Variants in SEC11C observed in about 807,000 individuals in gnomAD.
SEC11C encodes SEC11 homolog C, signal peptidase complex subunit, also known as signal peptidase complex catalytic subunit SEC11C.
A neutral mutation model predicts 21.9 loss-of-function variants in SEC11C; 10 were observed. The ratio of observed to expected loss-of-function variants is 0.46; its 90% CI spans 0.28 to 0.77. The LOEUF (loss-of-function observed/expected upper bound fraction) is 0.77, where lower values mean the gene tolerates loss of function less well. Ranked by LOEUF, SEC11C falls within the 30% of genes least tolerant of loss-of-function variation. The pLI is 0.12. For missense variants in SEC11C, 145 were observed against 244.5 expected (o/e 0.59, Z 2.71); for synonymous variants, 83 against 85.6 (o/e 0.97, Z 0.17).
chr18:59,152,102 C>G (rs745863432), intron 2 of SEC11C, among the ~76,000 whole-genome samples: 3 of 152,090 alleles, frequency 2.0e-5, no homozygotes, highest in Non-Finnish European at 4.4e-5. Context: ...CCATGTGTTC[C>G]TCATTTCTTA....
intron 3 of SEC11C, chr18:59,152,987 G>A (rs1212584983): frequency 1.6e-5 from 3 of 185,312 alleles, no homozygotes; most frequent in Non-Finnish European, 2.2e-5. Flanking sequence ...ATTTGAAGGA[G>A]CTCAAAGAAA....
intron 2 of SEC11C, among the ~76,000 whole-genome samples, chr18:59,151,766 G>A (rs2069357627): frequency 6.6e-6 from 1 of 152,128 alleles, no homozygotes; most frequent in Non-Finnish European, 1.5e-5. Context: ...TGGTTGCACA[G>A]CCCCCGTCAA....
In SEC11C at chr18:59,149,551, T is replaced by A. The variant is rs745526076; in HGVS notation, c.126T>A (p.Ser42=). Residue 42 remains serine, a synonymous_variant, in exon 2 of 6, where the codon TCT becomes TCA. Transcript: ENST00000587834. ...YQVLNFAMIV[S]SALMIWKGLI... is the part of the protein sequence containing the mutation. ...TTTTAAACTTCGCCATGATCGTGTC[T>A]TCTGCACTCATGATATGGAAAGGCT... 1.5e-5 allele frequency: 24 copies of A among 1,613,014 alleles called. No homozygotes were observed. The highest frequency in any genetic ancestry group is 2.0e-5 in the Non-Finnish European group (24 of 1,179,156).
chr18:59,149,578 G>T lies in SEC11C; in HGVS notation c.153G>T (p.Leu51Phe). 6.2e-7 allele frequency: 1 copy of T among 1,613,172 alleles called. No individual in the cohort carries two copies. The highest frequency in any genetic ancestry group is 1.1e-5 in the South Asian group (1 of 91,024). Residue 51 changes from leucine to phenylalanine, a missense_variant, in exon 2 of 6, where the codon TTG (leucine) becomes TTT (phenylalanine). Coordinates refer to ENST00000587834, the MANE Select transcript of SEC11C (RefSeq NM_033280.4). The stretch of plus-strand genomic sequence containing the variant: ...CTGCACTCATGATATGGAAAGGCTT[G>T]ATCGTGCTCACAGGCAGTGAGAGCC... ...VSSALMIWKG[L>F]IVLTGSESPI... is the part of the protein sequence containing the mutation.
intron 4 of SEC11C, chr18:59,156,371 T>G (rs540790805): frequency 6.6e-6 from 1 of 152,316 alleles, no homozygotes; most frequent in South Asian, 2.1e-4. Context: ...TACTTAGAAT[T>G]TGATTATTTT....
At chr18:59,143,825 G>A (rs759763832) in intron 1 of SEC11C, among the ~76,000 whole-genome samples, 8 of 150,344 alleles carry the variant, frequency 5.3e-5, no homozygotes, top group Non-Finnish European at 1.0e-4. Flanking sequence ...TTTATGCATT[G>A]TTTTAAATAG....
intron 1 of SEC11C, chr18:59,147,267 C>T (rs928164388): frequency 1.3e-5 from 2 of 152,160 alleles, no homozygotes; most frequent in Non-Finnish European, 2.9e-5. Flanking sequence ...CACCACATTC[C>T]ATCTCAGTTA....
chr18:59,141,056 G>A (rs2069204385), intron 1 of SEC11C, among the ~76,000 whole-genome samples: 2 of 152,068 alleles, frequency 1.3e-5, no homozygotes. Flanking sequence ...TATTTTGATG[G>A]CATCCAGTTT....
In SEC11C at chr18:59,154,300, T is replaced by A. The variant is rs113735961; in HGVS notation, c.348-1388T>A. On this transcript the variant is annotated intron_variant, in intron 3 of 5. Coordinates refer to ENST00000587834, the MANE Select transcript of SEC11C (RefSeq NM_033280.4). ...AATTATGAGAGACTGTCAGGATTTT[T>A]ATCCCGATTTCCTTTATAACCGTGG... Among the ~76,000 whole-genome samples the A allele has an allele frequency of 1.0e-3, 158 of 152,380 alleles. 1 individual carries two copies. Among genetic ancestry groups the A allele is most frequent in the African/African-American group, 3.7e-3 (152 of 41,582 alleles).
chr18:59,140,170 C>T lies in SEC11C; in HGVS notation c.87+135C>T, dbSNP rs2069193075. On this transcript the variant is annotated intron_variant, in intron 1 of 5. Coordinates refer to ENST00000587834, the MANE Select transcript of SEC11C (RefSeq NM_033280.4). ...ACCCGAAGCTCCCGCGCTGGGCTCTCAGGCCCTGGGTTCTACGCCTACGTG... is the reference window on the plus strand; with the variant it reads ...ACCCGAAGCTCCCGCGCTGGGCTCTTAGGCCCTGGGTTCTACGCCTACGTG... The T allele has an allele frequency of 8.4e-6, 6 of 717,098 alleles. No homozygotes were observed. In the East Asian group the frequency reaches 1.8e-4, roughly 21 times the overall value. 44.4% of individuals were successfully genotyped at this position (717,098 alleles called of 1,614,324 possible). A position where few individuals can be genotyped will look rare whatever the true frequency, so the allele number is the denominator to read the frequency against.
At chr18:59,145,173 G>C (rs535912659) in intron 1 of SEC11C, among the ~76,000 whole-genome samples, 2 of 152,346 alleles carry the variant, frequency 1.3e-5, no homozygotes, top group South Asian at 4.1e-4. Flanking sequence ...ACCTAGGCTG[G>C]CCAGAGTGGA....
At chr18:59,153,617 C>T (rs914252015) in intron 3 of SEC11C, among the ~76,000 whole-genome samples, 2 of 152,090 alleles carry the variant, frequency 1.3e-5, no homozygotes, top group Non-Finnish European at 2.9e-5. Flanking sequence ...ATGGTGCGAT[C>T]TCTGCTCACT....
intron 1 of SEC11C, among the ~76,000 whole-genome samples, chr18:59,140,867 C>A (rs1211977678): frequency 1.3e-5 from 2 of 152,064 alleles, no homozygotes; most frequent in Non-Finnish European, 2.9e-5. Context: ...AGGAAGCCCT[C>A]TCAGTCAGGA....
At chr18:59,150,795 C>A (rs1476581850) in intron 2 of SEC11C, among the ~76,000 whole-genome samples, 17 of 151,888 alleles carry the variant, frequency 1.1e-4, no homozygotes, top group Admixed American at 1.1e-3. Flanking sequence ...TAGATGGACC[C>A]TCTCCCTTAA....
intron 2 of SEC11C, among the ~76,000 whole-genome samples, chr18:59,151,764 C>T (rs1042079904): frequency 6.6e-6 from 1 of 152,186 alleles, no homozygotes; most frequent in Non-Finnish European, 1.5e-5. Flanking sequence ...CTTGGTTGCA[C>T]AGCCCCCGTC....
At chr18:59,141,241 G>C (rs902923722) in intron 1 of SEC11C, among the ~76,000 whole-genome samples, 1 of 152,156 alleles carries the variant, frequency 6.6e-6, no homozygotes, top group Non-Finnish European at 1.5e-5. Context: ...ACCGTGTTTA[G>C]GATGTGGTAG....
intron 2 of SEC11C, among the ~76,000 whole-genome samples, chr18:59,150,310 C>T (rs958928893): frequency 1.3e-5 from 2 of 152,188 alleles, no homozygotes; most frequent in East Asian, 1.9e-4. Flanking sequence ...GTAACTCGGG[C>T]GGAGTCACAG....
At chr18:59,147,153 T>C (rs2069286218) in intron 1 of SEC11C, 1 of 152,250 alleles carries the variant, frequency 6.6e-6, no homozygotes, top group Non-Finnish European at 1.5e-5. Flanking sequence ...TTCCCGAGTG[T>C]CTTTCACTCC....
At chr18:59,154,599 G>A (rs962985501) in intron 3 of SEC11C, among the ~76,000 whole-genome samples, 4 of 152,110 alleles carry the variant, frequency 2.6e-5, no homozygotes, top group African/African-American at 4.8e-5. Context: ...TTATACTACC[G>A]TGGTCAGTGG....
Sources: gnomAD v4.1 joint callset for allele counts (sites outside exome capture counted in the v4.1 genomes callset) on GRCh38, gnomAD v4.1.1 for gene constraint, MANE v1.5 for transcripts, NCBI Gene and HGNC (gene_info 2026-07-23, HGNC 2026-07-21) for gene names.